UNC5C: variants seen among roughly 807,000 people sequenced by gnomAD.
UNC5C encodes unc-5 netrin receptor C, also known as netrin receptor UNC5C.
UNC5C carries 47 observed loss-of-function variants against 99.8 expected under a neutral mutation model. The ratio of observed to expected loss-of-function variants is 0.47; its 90% CI spans 0.37 to 0.60. UNC5C has a LOEUF of 0.60. UNC5C is among the 20% of genes least tolerant of loss of function. The pLI, the probability that UNC5C is intolerant of heterozygous loss-of-function variation, is 0.00. For synonymous variants in UNC5C, 487 were observed against 452.2 expected, an observed-to-expected ratio of 1.08 and a Z score of -0.98; for missense variants, 1,062 against 1,165.9, an observed-to-expected ratio of 0.91 and a Z score of 1.30.
At chr4:95,300,789 G>A (rs990686331) in intron 3 of UNC5C, among the ~76,000 whole-genome samples, 1 of 152,152 alleles carries the variant, frequency 6.6e-6, no homozygotes, top group Non-Finnish European at 1.5e-5. Context: ...GTTACTAGAG[G>A]CTGGGAAGGG....
chr4:95,316,627 A>G (rs981585014), intron 2 of UNC5C, among the ~76,000 whole-genome samples: 4 of 152,232 alleles, frequency 2.6e-5, no homozygotes, highest in Non-Finnish European at 4.4e-5. Context: ...CTATCAAAAA[A>G]TGAGAAGAAT....
intron 11 of UNC5C, 141 bp from the exon 12 acceptor site, chr4:95,203,105 T>A: frequency 1.5e-6 from 1 of 676,690 alleles, no homozygotes; most frequent in Non-Finnish European, 2.5e-6. Context: ...ATCTGTCTAC[T>A]TGAGTTCATC....
chr4:95,435,743 A>G (rs1036134062), intron 1 of UNC5C, among the ~76,000 whole-genome samples: 2 of 152,028 alleles, frequency 1.3e-5, no homozygotes, highest in East Asian at 3.9e-4. Flanking sequence ...AACTCTTCCA[A>G]CATCCTCTTC....
At chr4:95,256,234 C>T (rs917905607) in intron 4 of UNC5C, among the ~76,000 whole-genome samples, 12 of 152,078 alleles carry the variant, frequency 7.9e-5, no homozygotes, top group Non-Finnish European at 1.3e-4. Context: ...CTAAATTTAT[C>T]TCCAGCCCAG....
chr4:95,268,222 A>G (rs2149389683), intron 4 of UNC5C, among the ~76,000 whole-genome samples: 1 of 151,826 alleles, frequency 6.6e-6, no homozygotes. Flanking sequence ...TACAGGCGTG[A>G]GCCACCGCGC....
rs4699430 is a variant in UNC5C, at chr4:95,538,297, G to A, written c.124+10437C>T. Among the ~76,000 whole-genome samples, 897 of 152,248 alleles carry A rather than the reference G, an allele frequency of 5.9e-3. 2 individuals carry two copies. Among genetic ancestry groups the A allele is most frequent in the Non-Finnish European group, 9.5e-3 (647 of 68,000 alleles). On this transcript the variant is annotated intron_variant, in intron 1 of 15. Coordinates refer to ENST00000453304, the MANE Select transcript of UNC5C (RefSeq NM_003728.4). Reference sequence around the variant, plus strand: ...TAGCTAATGGACTTTTAATGTCAGCGGGGTTATGTGCAGTTACTGGCTATT... The same window carrying A: ...TAGCTAATGGACTTTTAATGTCAGCAGGGTTATGTGCAGTTACTGGCTATT...
Position 95,185,052 on chromosome 4 carries a change from A to G in UNC5C, c.2281T>C (p.Tyr761His). 6.2e-7 allele frequency: 1 copy of G among 1,611,034 alleles called. No homozygotes were observed. The highest frequency in any genetic ancestry group is 8.5e-7 in the Non-Finnish European group (1 of 1,179,166). The change falls in exon 13 of 16, where the codon TAT becomes CAT. Residue 761 changes from tyrosine to histidine, a missense_variant. Physicochemically the swap from Tyr to His is moderately conservative, Grantham distance 83. This residue lies in a region of UNC5C where 810 missense variants were observed against 854.5 expected (regional missense o/e 0.95). Transcript: ENST00000453304. ...SLWKSKLLAK[Y>H]QEIPFYHVWS... Reference sequence around the variant, plus strand: ...GTTCGGCTTGGGAACCTTACCTGATATTTAGCCAGCAATTTGCTCTTCCAG... The same window carrying G: ...GTTCGGCTTGGGAACCTTACCTGATGTTTAGCCAGCAATTTGCTCTTCCAG...
chr4:95,191,001 A>T (rs762502097), intron 12 of UNC5C, among the ~76,000 whole-genome samples: 7 of 152,210 alleles, frequency 4.6e-5, no homozygotes, highest in Non-Finnish European at 2.9e-5. Context: ...GCCACTTAAG[A>T]GCCACAATAA....
chr4:95,196,416 C>G (rs1737385913), intron 12 of UNC5C, among the ~76,000 whole-genome samples: 1 of 152,032 alleles, frequency 6.6e-6, no homozygotes, highest in African/African-American at 2.4e-5. Context: ...TCCCAGTGGT[C>G]CTTCAAGCAC....
At chr4:95,546,504 A>G (rs1186435464) in intron 1 of UNC5C, among the ~76,000 whole-genome samples, 1 of 152,204 alleles carries the variant, frequency 6.6e-6, no homozygotes, top group African/African-American at 2.4e-5. Context: ...ACAAAGATAA[A>G]AGCGGTGGAA....
chr4:95,475,147 C>T (rs1748102530), intron 1 of UNC5C, among the ~76,000 whole-genome samples: 1 of 151,982 alleles, frequency 6.6e-6, no homozygotes, highest in Admixed American at 6.6e-5. Context: ...AGGTCAAATG[C>T]CTCAACTTTC....
At chr4:95,213,797 T>C (rs1357534542) in intron 10 of UNC5C, among the ~76,000 whole-genome samples, 1 of 152,202 alleles carries the variant, frequency 6.6e-6, no homozygotes, top group Non-Finnish European at 1.5e-5. Flanking sequence ...AGAAGTTCTG[T>C]CTTGTATCAT....
At chr4:95,410,308 A>C (rs895519101) in intron 1 of UNC5C, among the ~76,000 whole-genome samples, 1 of 152,022 alleles carries the variant, frequency 6.6e-6, no homozygotes, top group Non-Finnish European at 1.5e-5. Context: ...AATGCATGAT[A>C]CCTCCTACTA....
intron 1 of UNC5C, among the ~76,000 whole-genome samples, chr4:95,363,743 T>G (rs1033677178): frequency 1.2e-4 from 19 of 152,134 alleles, no homozygotes; most frequent in African/African-American, 4.6e-4. Context: ...CGCTTTTCAC[T>G]GGTGAAATAA....
intron 1 of UNC5C, among the ~76,000 whole-genome samples, chr4:95,353,580 A>G (rs1744065009): frequency 6.6e-6 from 1 of 152,048 alleles, no homozygotes; most frequent in African/African-American, 2.4e-5. Flanking sequence ...ATTATATCAG[A>G]GTGTTAGGCT....
In UNC5C at chr4:95,280,231, G is replaced by A. The variant is rs187003817; in HGVS notation, c.491-1869C>T. Among the ~76,000 whole-genome samples, 409 of 152,262 alleles carry A rather than the reference G, an allele frequency of 2.7e-3. 2 individuals are homozygous for A. Among genetic ancestry groups the A allele is most frequent in the South Asian group, 6.6e-3 (32 of 4,820 alleles). On this transcript the variant is annotated intron_variant, in intron 3 of 15. Coordinates refer to ENST00000453304, the MANE Select transcript of UNC5C (RefSeq NM_003728.4). ...TGCATTGTTACACATTTGCCATATT[G>A]TTGAATTTCTCAGCAGAAGAAAACC...
In UNC5C at chr4:95,169,357, T is replaced by G. The variant is rs760377495; in HGVS notation, c.2673A>C (p.Val891=). The change falls in exon 16 of 16, where the codon GTA becomes GTC. Residue 891 remains valine, a synonymous_variant. Coordinates refer to ENST00000453304, the MANE Select transcript of UNC5C (RefSeq NM_003728.4). The part of the protein sequence containing the change: ...YFATKSSPTG[V]ILDLWEAQNF... ...TCTGTGCTTCCCAAAGATCCAGGAT[T>G]ACGCCAGTTGGGCTGGATTTGGTGG... 4.3e-6 allele frequency: 7 copies of G among 1,614,122 alleles called. No individual in the cohort carries two copies. The highest frequency in any genetic ancestry group is 5.9e-6 in the Non-Finnish European group (7 of 1,180,052).
At chr4:95,221,997 A>G (rs932601024) in intron 7 of UNC5C, among the ~76,000 whole-genome samples, 1 of 152,164 alleles carries the variant, frequency 6.6e-6, no homozygotes, top group Non-Finnish European at 1.5e-5. Context: ...TCAAGCTTTG[A>G]ATGGTAGACT....
At chr4:95,233,667 G>A (rs1354765655) in intron 7 of UNC5C, among the ~76,000 whole-genome samples, 3 of 152,216 alleles carry the variant, frequency 2.0e-5, no homozygotes, top group African/African-American at 7.2e-5. Flanking sequence ...CCCATGTGGT[G>A]GCTCAGGCCT....
Sources: gnomAD v4.1 joint callset for allele counts (sites outside exome capture counted in the v4.1 genomes callset) on GRCh38, gnomAD v4.1.1 for gene constraint, gnomAD v4.1.1 regional missense constraint, MANE v1.5 for transcripts, NCBI Gene and HGNC (gene_info 2026-07-23, HGNC 2026-07-21) for gene names.